IQGAP2: variants seen among roughly 807,000 people sequenced by gnomAD.
The protein encoded by IQGAP2 is ras GTPase-activating-like protein IQGAP2.
In IQGAP2, 173 loss-of-function variants were observed where a neutral mutation model predicts 201.3. The ratio of observed to expected loss-of-function variants is 0.86; its 90% CI spans 0.76 to 0.98. The LOEUF (loss-of-function observed/expected upper bound fraction) is 0.98, where lower values mean the gene tolerates loss of function less well. IQGAP2 is among the 50% of genes least tolerant of loss of function. The probability of loss-of-function intolerance (pLI) is 0.00; values close to 1 mark genes in which losing one functional copy is unlikely to be tolerated. For missense variants in IQGAP2, 1,687 were observed against 1,864.8 expected (o/e 0.90, Z 1.76); for synonymous variants, 675 against 673.9 (o/e 1.00, Z -0.03).
chr5:76,409,213 T>G (rs1385824843), intron 1 of IQGAP2, among the ~76,000 whole-genome samples: 1 of 144,112 alleles, frequency 6.9e-6, no homozygotes, highest in Non-Finnish European at 1.5e-5. Flanking sequence ...AATTTTTTCC[T>G]CCCAAGAAAC....
intron 2 of IQGAP2, among the ~76,000 whole-genome samples, chr5:76,523,076 C>CTTTTTTTTTTTT (rs35277348): frequency 3.8e-5 from 3 of 78,372 alleles, no homozygotes; most frequent in Admixed American, 1.5e-4. Context: ...TTTCTTTTGC[C>CTTTTTTTTTTTT]TTTTTTTTTT....
At chr5:76,668,105 A>G (rs59115845) in intron 22 of IQGAP2, among the ~76,000 whole-genome samples, 22,382 of 151,440 alleles carry the variant, frequency 0.15, 1,999 homozygotes, top group South Asian at 0.34. Context: ...CTTGTCTCGA[A>G]CTCCTGGGCT....
At chr5:76,704,586 T>G (rs1403233177) in intron 35 of IQGAP2, among the ~76,000 whole-genome samples, 1 of 152,228 alleles carries the variant, frequency 6.6e-6, no homozygotes, top group Non-Finnish European at 1.5e-5. Flanking sequence ...TAATCAGAAC[T>G]GGCTACATCC....
At chr5:76,697,403 G>A (rs996199944) in intron 32 of IQGAP2, among the ~76,000 whole-genome samples, 2 of 152,190 alleles carry the variant, frequency 1.3e-5, no homozygotes, top group African/African-American at 2.4e-5. Context: ...CAGCACTTCG[G>A]GAGGCCGAGG....
intron 1 of IQGAP2, among the ~76,000 whole-genome samples, chr5:76,425,414 G>A (rs903536765): frequency 1.1e-4 from 17 of 152,168 alleles, no homozygotes; most frequent in Non-Finnish European, 7.4e-5. Flanking sequence ...GCAGAACCAC[G>A]GACACAACTT....
intron 4 of IQGAP2, among the ~76,000 whole-genome samples, chr5:76,571,388 C>T (rs1221070118): frequency 1.3e-5 from 2 of 151,964 alleles, no homozygotes; most frequent in East Asian, 1.9e-4. Flanking sequence ...TTTGCCTCGT[C>T]GGCCAGGCTG....
chr5:76,658,204 G>A (rs17681722), intron 20 of IQGAP2, among the ~76,000 whole-genome samples: 6,403 of 152,222 alleles, frequency 0.042, 194 homozygotes, highest in East Asian at 0.12. Context: ...GTGAGAGAGA[G>A]CTGATAAAAG....
rs78041249 is a variant in IQGAP2 at position 76,525,298 on chromosome 5, T to C, written c.147-37098T>C. Among the ~76,000 whole-genome samples, 835 of 152,340 alleles carry C rather than the reference T, an allele frequency of 5.5e-3. 11 individuals carry two copies. Among genetic ancestry groups the C allele is most frequent in the African/African-American group, 0.019 (804 of 41,582 alleles). ...CGGCAATGCTAGGGTTTCAGATAAA[T>C]AGAATATCAGCATCATTCTTCATAT... is the stretch of plus-strand genomic sequence containing the variant. On this transcript the variant is annotated intron_variant, in intron 2 of 35. Transcript: ENST00000274364.
At chr5:76,467,068 T>C (rs1414126810) in intron 2 of IQGAP2, among the ~76,000 whole-genome samples, 2 of 152,074 alleles carry the variant, frequency 1.3e-5, no homozygotes, top group East Asian at 3.9e-4. Context: ...CTGGGCAACA[T>C]GGTGAAACCC....
chr5:76,416,034 AG>A (rs1751388867), intron 1 of IQGAP2, among the ~76,000 whole-genome samples: 2 of 152,180 alleles, frequency 1.3e-5, no homozygotes, highest in Admixed American at 1.3e-4. Context: ...GGGGAAATAA[AG>A]GTTGTGACAC....
At chr5:76,632,054 A>G (rs778222882) in intron 15 of IQGAP2, 28 bp downstream of exon 15, 5 of 1,537,846 alleles carry the variant, frequency 3.3e-6, no homozygotes, top group African/African-American at 2.8e-5. Flanking sequence ...TTTAGCACAA[A>G]CTAAGTATTT....
Position 76,654,269 on chromosome 5 carries a change from C to T in IQGAP2, c.2248C>T (p.His750Tyr). 1.2e-6 allele frequency: 2 copies of T among 1,600,280 alleles called. No individual in the cohort carries two copies. The highest frequency in any genetic ancestry group is 1.7e-6 in the Non-Finnish European group (2 of 1,170,892). Residue 750 changes from histidine to tyrosine, a missense_variant and splice_region_variant, in exon 19 of 36, where the codon CAT (histidine) becomes TAT (tyrosine). Transcript: ENST00000274364. ...TTCAAGACTACAGTATTTCAGAGAT[C>T]ATGTAAGAAAAATGCCTGTGGGATT... ...YLSRLQYFRD[H>Y]NNEIVKIQSL... is the part of the protein sequence containing the mutation.
chr5:76,622,780 A>G (rs1039806260), intron 13 of IQGAP2, among the ~76,000 whole-genome samples: 1 of 152,188 alleles, frequency 6.6e-6, no homozygotes, highest in East Asian at 1.9e-4. Context: ...TGTTTCTCCC[A>G]TTTATGTCTC....
chr5:76,589,692 A>G lies in IQGAP2; in HGVS notation c.604A>G (p.Ile202Val). 3 of 1,607,892 alleles carry G rather than the reference A, an allele frequency of 1.9e-6. No individual in the cohort carries two copies. The highest frequency in any genetic ancestry group is 2.5e-6 in the Non-Finnish European group (3 of 1,177,064). The change falls in exon 7 of 36, where the codon ATT (isoleucine) becomes GTT (valine). Residue 202 changes from isoleucine (I) to valine (V), a missense_variant. Physicochemically the swap from Ile to Val is conservative, Grantham distance 29 (BLOSUM62 3). Coordinates refer to ENST00000274364, the MANE Select transcript of IQGAP2 (RefSeq NM_006633.5). ...GCCATCTTTCAGCAAAATAGGTGGTATTCTGGCCAATGAACTGTCCGTGGA... is the reference window on the plus strand; with the variant it reads ...GCCATCTTTCAGCAAAATAGGTGGTGTTCTGGCCAATGAACTGTCCGTGGA... ...QMPSFSKIGG[I>V]LANELSVDEA...
intron 7 of IQGAP2, among the ~76,000 whole-genome samples, chr5:76,590,151 G>C (rs1746544291): frequency 6.6e-6 from 1 of 152,198 alleles, no homozygotes; most frequent in South Asian, 2.1e-4. Flanking sequence ...GGTTGACATA[G>C]GGCTTGCTTC....
chr5:76,521,425 A>T (rs1279803529), intron 2 of IQGAP2, among the ~76,000 whole-genome samples: 3 of 152,254 alleles, frequency 2.0e-5, no homozygotes, highest in Non-Finnish European at 2.9e-5. Flanking sequence ...AAAAGCAGGC[A>T]AAATCTAATT....
chr5:76,496,785 CTTTCTTTCTCTT>C (rs1757008058), intron 2 of IQGAP2, among the ~76,000 whole-genome samples: 8 of 101,966 alleles, frequency 7.8e-5, no homozygotes, highest in Non-Finnish European at 1.2e-4. Context: ...TTCTTTCTTT[CTTTCTTTCTCTT>C]TCTTTCTTTC....
chr5:76,532,486 TG>T (rs578111872), intron 2 of IQGAP2, among the ~76,000 whole-genome samples: 6 of 32,104 alleles, frequency 1.9e-4, no homozygotes, highest in Admixed American at 6.4e-4. Context: ...ATTGGGTGGG[TG>T]GGGGGGTAGA....
chr5:76,427,580 T>G (rs1476478078), intron 1 of IQGAP2, among the ~76,000 whole-genome samples: 2 of 152,182 alleles, frequency 1.3e-5, no homozygotes, highest in African/African-American at 4.8e-5. Flanking sequence ...GACAGAAACG[T>G]TCCATTTTAA....
Sources: gnomAD v4.1 joint callset for allele counts (sites outside exome capture counted in the v4.1 genomes callset) on GRCh38, gnomAD v4.1.1 for gene constraint, MANE v1.5 for transcripts, NCBI Gene and HGNC (gene_info 2026-07-23, HGNC 2026-07-21) for gene names.